The following UMAD1 variants were observed in gnomAD, a reference collection of about 807,000 sequenced individuals.
UMAD1 encodes the protein UBAP1-MVB12-associated (UMA)-domain containing protein 1.
UMAD1 carries 8 observed loss-of-function variants against 6.1 expected under a neutral mutation model. The ratio of observed to expected loss-of-function variants is 1.30; its 90% CI spans 0.76 to 2.35. The LOEUF is 2.35. UMAD1 is among the 30% of genes most tolerant of loss of function. UMAD1 has a pLI of 0.00. For synonymous variants in UMAD1, 56 were observed against 31.4 expected (o/e 1.78, Z -2.61); for missense variants, 130 against 78.4 (o/e 1.66, Z -2.49).
rs377360610 is a variant in UMAD1, at chr7:7,839,354, A to G, written c.156+37611A>G. The stretch of plus-strand genomic sequence containing the variant: ...AGCCTCCCCCAAGCTGGGACCACAG[A>G]CACATGCCATCATGCCAGGCTAATT... On this transcript the variant is annotated intron_variant, in intron 3 of 3. Transcript: ENST00000682710. Among the ~76,000 whole-genome samples, 12 of 152,156 alleles carry G rather than the reference A, an allele frequency of 7.9e-5. No individual in the cohort carries two copies. The East Asian group carries it at 1.5e-3, about 20-fold the overall frequency.
At chr7:7,689,475 TC>T (rs1158983151) in intron 2 of UMAD1, 1 of 152,162 alleles carries the variant, frequency 6.6e-6, no homozygotes, top group East Asian at 1.9e-4. Context: ...GATAATAAAT[TC>T]CCGCATTAAA....
chr7:7,858,451 A>G (rs1784059074), intron 3 of UMAD1, among the ~76,000 whole-genome samples: 1 of 152,228 alleles, frequency 6.6e-6, no homozygotes, highest in South Asian at 2.1e-4. Flanking sequence ...ATACACTTAA[A>G]AACACTTTGG....
chr7:7,863,575 T>C (rs1286287455), intron 3 of UMAD1, among the ~76,000 whole-genome samples: 1 of 152,230 alleles, frequency 6.6e-6, no homozygotes, highest in Non-Finnish European at 1.5e-5. Context: ...TTTTGTGTTT[T>C]GTTTTGTTTT....
intron 2 of UMAD1, among the ~76,000 whole-genome samples, chr7:7,726,787 C>T (rs1781146738): frequency 1.3e-5 from 2 of 152,088 alleles, no homozygotes; most frequent in Admixed American, 6.5e-5. Context: ...CCAGCTGTAC[C>T]CTTTGGGCAC....
chr7:7,647,785 T>C (rs764517281), intron 1 of UMAD1, among the ~76,000 whole-genome samples: 1 of 152,150 alleles, frequency 6.6e-6, no homozygotes, highest in Non-Finnish European at 1.5e-5. Flanking sequence ...ATCTTTCTTT[T>C]GTAGAGACGG....
chr7:7,735,851 C>G (rs1353398920), intron 2 of UMAD1: 1 of 152,280 alleles, frequency 6.6e-6, no homozygotes, highest in Admixed American at 6.5e-5. Flanking sequence ...AAAGTATCTT[C>G]CACAGGTTTT....
At chr7:7,749,113 G>C (rs1781630416) in intron 2 of UMAD1, among the ~76,000 whole-genome samples, 1 of 152,118 alleles carries the variant, frequency 6.6e-6, no homozygotes, top group African/African-American at 2.4e-5. Flanking sequence ...ACTTGGTATT[G>C]GTGTTTTATA....
chr7:7,740,148 A>T (rs1006731515), intron 2 of UMAD1, among the ~76,000 whole-genome samples: 53 of 152,336 alleles, frequency 3.5e-4, no homozygotes, highest in Middle Eastern at 3.4e-3. Flanking sequence ...TTCATTTGAA[A>T]ACTGGCTTCT....
intron 2 of UMAD1, among the ~76,000 whole-genome samples, chr7:7,693,335 C>CTATCTATCTATG (rs1338202272): frequency 5.9e-5 from 9 of 151,562 alleles, no homozygotes; most frequent in Non-Finnish European, 1.2e-4. Flanking sequence ...ATCTATCTAT[C>CTATCTATCTATG]TACATTATTT....
intron 3 of UMAD1, among the ~76,000 whole-genome samples, chr7:7,824,150 A>G (rs949443808): frequency 2.6e-5 from 4 of 152,026 alleles, no homozygotes; most frequent in African/African-American, 9.7e-5. Flanking sequence ...ACCACTTGTA[A>G]CTTGCATGTC....
At chr7:7,876,420 G>T (rs772654541) in intron 3 of UMAD1, among the ~76,000 whole-genome samples, 5 of 152,128 alleles carry the variant, frequency 3.3e-5, no homozygotes, top group Non-Finnish European at 7.4e-5. Flanking sequence ...GAGGGTCAAG[G>T]GGGGAGTCAT....
At chr7:7,801,586 A>G (rs745803503) in intron 2 of UMAD1, 84 bp from the exon 3 acceptor site, 17 of 659,588 alleles carry the variant, frequency 2.6e-5, no homozygotes, top group Non-Finnish European at 4.2e-5. Context: ...TATAATAACA[A>G]AAGATACTTC....
At chr7:7,780,538 G>C (rs1193930014) in intron 2 of UMAD1, among the ~76,000 whole-genome samples, 2 of 152,120 alleles carry the variant, frequency 1.3e-5, no homozygotes, top group Non-Finnish European at 1.5e-5. Flanking sequence ...CGATAAGTTT[G>C]ATAACCTTTC....
intron 2 of UMAD1, among the ~76,000 whole-genome samples, chr7:7,711,892 A>G (rs1780774377): frequency 6.6e-6 from 1 of 152,132 alleles, no homozygotes; most frequent in Admixed American, 6.5e-5. Context: ...TCATCTTCCT[A>G]TAGCATCTTC....
chr7:7,689,403 A>G (rs888358544), intron 2 of UMAD1: 6 of 152,204 alleles, frequency 3.9e-5, no homozygotes, highest in African/African-American at 1.4e-4. Flanking sequence ...AACCATGATG[A>G]CATTGTTGAA....
intron 1 of UMAD1, among the ~76,000 whole-genome samples, chr7:7,652,331 C>G (rs768292021): frequency 2.0e-5 from 3 of 152,184 alleles, no homozygotes; most frequent in Non-Finnish European, 2.9e-5. Flanking sequence ...AAGTTTGACT[C>G]AGACTTTGAG....
At chr7:7,727,375 G>A (rs980596123) in intron 2 of UMAD1, among the ~76,000 whole-genome samples, 2 of 152,130 alleles carry the variant, frequency 1.3e-5, no homozygotes, top group African/African-American at 2.4e-5. Flanking sequence ...GTGTGTTTTC[G>A]GTTGTACATA....
chr7:7,815,586 A>G (rs1038724730), intron 3 of UMAD1, among the ~76,000 whole-genome samples: 4 of 152,166 alleles, frequency 2.6e-5, no homozygotes, highest in Non-Finnish European at 4.4e-5. Flanking sequence ...CATAGTTGCA[A>G]GTTAGCTATT....
intron 2 of UMAD1, among the ~76,000 whole-genome samples, chr7:7,717,369 C>G (rs1780942423): frequency 6.6e-6 from 1 of 152,118 alleles, no homozygotes; most frequent in Admixed American, 6.5e-5. Context: ...CTGTTTCTTT[C>G]ATCTATTAAA....
Sources: allele counts gnomAD v4.1 joint callset (sites outside exome capture counted in the v4.1 genomes callset), GRCh38; gene constraint gnomAD v4.1.1; transcripts MANE v1.5; gene names NCBI Gene and HGNC (gene_info 2026-07-23, HGNC 2026-07-21).